Variants in SCEL observed in about 807,000 individuals in gnomAD.
The protein encoded by SCEL is sciellin.
Under a neutral mutation model 117.6 loss-of-function variants are expected in SCEL, and 113 were observed. That is an observed-to-expected ratio of 0.96 (90% CI 0.83 to 1.12). The LOEUF (loss-of-function observed/expected upper bound fraction) is 1.12, where lower values mean the gene tolerates loss of function less well. SCEL is among the 50% of genes most tolerant of loss of function. The pLI is 0.00. For synonymous variants in SCEL, 270 were observed against 256.2 expected (o/e 1.05, Z -0.51); for missense variants, 785 against 810.8 (o/e 0.97, Z 0.39).
intron 5 of SCEL, among the ~76,000 whole-genome samples, chr13:77,564,490 A>G (rs1020085574): frequency 6.6e-6 from 1 of 152,176 alleles, no homozygotes; most frequent in Non-Finnish European, 1.5e-5. Context: ...CTACAGGGAA[A>G]ATAGGGCAAC....
At chr13:77,595,538 T>A (rs574083545) in intron 12 of SCEL, among the ~76,000 whole-genome samples, 1 of 152,336 alleles carries the variant, frequency 6.6e-6, no homozygotes, top group East Asian at 1.9e-4. Flanking sequence ...TTTCTTGGGA[T>A]AAAGCAACTC....
intron 8 of SCEL, among the ~76,000 whole-genome samples, chr13:77,571,730 T>TAGAG (rs1555506591): frequency 1.3e-5 from 2 of 150,214 alleles, no homozygotes; most frequent in African/African-American, 2.4e-5. Context: ...TATATATATA[T>TAGAG]AGAGTAGAGT....
At chr13:77,572,095 A>G (rs765620534) in intron 8 of SCEL, 29 bp from the exon 9 acceptor site, 5 of 1,595,688 alleles carry the variant, frequency 3.1e-6, no homozygotes, top group African/African-American at 2.7e-5. Flanking sequence ...TTCAATCACA[A>G]TGTTTATTAC....
At chr13:77,555,966 A>G (rs1219905104) in intron 2 of SCEL, 48 bp downstream of exon 2, 1 of 1,421,140 alleles carries the variant, frequency 7.0e-7, no homozygotes, top group Non-Finnish European at 9.9e-7. Context: ...AAAATTTTGG[A>G]AAAACAACTC....
rs1203450618 is a variant in SCEL, at chr13:77,567,745, A to G, written c.356A>G (p.Asn119Ser). The G allele has an allele frequency of 4.4e-6, 7 of 1,591,220 alleles. No individual in the cohort carries two copies. The highest frequency in any genetic ancestry group is 5.2e-6 in the Non-Finnish European group (6 of 1,163,156). The change falls in exon 6 of 33, where the codon AAT becomes AGT. Residue 119 changes from asparagine to serine, a missense_variant. Transcript: ENST00000349847. ...AATACCTTGGATAACCAACTAACCAATAGGTACCAGTATCTACTAACTATG... is the reference window on the plus strand; with the variant it reads ...AATACCTTGGATAACCAACTAACCAGTAGGTACCAGTATCTACTAACTATG... ...KANTLDNQLTNRSMSMFRSLE... is the reference protein window; with the variant it reads ...KANTLDNQLTSRSMSMFRSLE...
intron 9 of SCEL, among the ~76,000 whole-genome samples, chr13:77,576,873 CT>C (rs2085972368): frequency 2.6e-5 from 4 of 152,026 alleles, no homozygotes; most frequent in Non-Finnish European, 5.9e-5. Flanking sequence ...AGCTGTATTC[CT>C]AGGTATTTTA....
chr13:77,644,175 T>C (rs2090691342), intron 32 of SCEL, 83 bp from the exon 33 acceptor site: 4 of 1,404,658 alleles, frequency 2.8e-6, no homozygotes, highest in Non-Finnish European at 4.0e-6. Context: ...CCACTACCCG[T>C]TGGGTGAATA....
Position 77,559,799 on chromosome 13 carries a change from T to C in SCEL, c.162-5T>C. On this transcript the variant is annotated splice_polypyrimidine_tract_variant and splice_region_variant and intron_variant, in intron 3 of 32. Coordinates refer to ENST00000349847, the MANE Select transcript of SCEL (RefSeq NM_144777.3). ...ATGTGACATACTTTTGTTCTTTCTT[T>C]GCAGAGATGAAAATTACGGTAGGGT... 6.2e-7 allele frequency: 1 copy of C among 1,613,276 alleles called. No homozygotes were observed. The highest frequency in any genetic ancestry group is 1.1e-5 in the South Asian group (1 of 90,962).
chr13:77,572,089 A>G, intron 8 of SCEL, 35 bp from the exon 9 acceptor site: 2 of 1,585,166 alleles, frequency 1.3e-6, no homozygotes, highest in Non-Finnish European at 1.7e-6. Context: ...CAGCCTTTCA[A>G]TCACAATGTT....
chr13:77,540,432 C>G (rs1697585006), intron 1 of SCEL, among the ~76,000 whole-genome samples: 1 of 152,148 alleles, frequency 6.6e-6, no homozygotes, highest in Admixed American at 6.5e-5. Flanking sequence ...TATGGAAACT[C>G]TTTGCTATTT....
chr13:77,544,764 AG>A (rs1430097017), intron 1 of SCEL, among the ~76,000 whole-genome samples: 2 of 152,332 alleles, frequency 1.3e-5, no homozygotes, highest in African/African-American at 4.8e-5. Flanking sequence ...AGAAGACAAA[AG>A]TAAGAAATAG....
At chr13:77,644,172 C>T (rs1387598678) in intron 32 of SCEL, 86 bp from the exon 33 acceptor site, 2 of 1,421,600 alleles carry the variant, frequency 1.4e-6, no homozygotes, top group East Asian at 4.6e-5. Context: ...CTACCACTAC[C>T]CGTTGGGTGA....
At chr13:77,571,475 G>T (rs2085620290) in intron 8 of SCEL, among the ~76,000 whole-genome samples, 1 of 151,438 alleles carries the variant, frequency 6.6e-6, no homozygotes, top group Non-Finnish European at 1.5e-5. Flanking sequence ...GATCACCTGA[G>T]GTCGGGAGTT....
intron 9 of SCEL, among the ~76,000 whole-genome samples, chr13:77,588,873 T>C (rs1162596653): frequency 6.6e-6 from 1 of 152,170 alleles, no homozygotes; most frequent in African/African-American, 2.4e-5. Context: ...TATTGAGTTA[T>C]TTAAAGAACA....
intron 28 of SCEL, among the ~76,000 whole-genome samples, chr13:77,632,918 T>C (rs897807755): frequency 5.3e-5 from 8 of 152,244 alleles, no homozygotes; most frequent in Non-Finnish European, 4.4e-5. Context: ...TTTCATTCAA[T>C]TGATAAATTC....
chr13:77,640,595 C>A, intron 30 of SCEL, 81 bp from the exon 31 acceptor site: 1 of 538,110 alleles, frequency 1.9e-6, no homozygotes, highest in Non-Finnish European at 3.2e-6. Context: ...ATTAATATAC[C>A]GTTGCCATGT....
chr13:77,559,965 C>T (rs1373497230), intron 4 of SCEL, 102 bp downstream of exon 4: 1 of 989,366 alleles, frequency 1.0e-6, no homozygotes, highest in African/African-American at 1.6e-5. Context: ...ATGCCTTGGG[C>T]TTTCCCCGAT....
chr13:77,623,136 G>A (rs2089515784), intron 27 of SCEL, among the ~76,000 whole-genome samples: 1 of 152,132 alleles, frequency 6.6e-6, no homozygotes, highest in Non-Finnish European at 1.5e-5. Context: ...ACACCACAGT[G>A]TAAAAGTCAT....
At chr13:77,631,042 T>C (rs1332850264) in intron 28 of SCEL, among the ~76,000 whole-genome samples, 2 of 152,156 alleles carry the variant, frequency 1.3e-5, no homozygotes, top group Non-Finnish European at 2.9e-5. Context: ...CAATGCTCTT[T>C]TGAGTAAGAG....
Sources: gnomAD v4.1 joint callset for allele counts (sites outside exome capture counted in the v4.1 genomes callset) on GRCh38, gnomAD v4.1.1 for gene constraint, MANE v1.5 for transcripts, NCBI Gene and HGNC (gene_info 2026-07-23, HGNC 2026-07-21) for gene names.